The following TSHZ2 variants were observed in gnomAD, a reference collection of about 807,000 sequenced individuals.
TSHZ2 encodes the protein teashirt homolog 2.
TSHZ2 carries 21 observed loss-of-function variants against 74.4 expected under a neutral mutation model. That is an observed-to-expected ratio of 0.28 (90% confidence interval 0.20 to 0.41). TSHZ2 has a LOEUF of 0.41. Among genes scored for constraint, TSHZ2 ranks in the 10% least tolerant of loss-of-function variants. The probability of loss-of-function intolerance (pLI) is 1.00; values close to 1 mark genes in which losing one functional copy is unlikely to be tolerated. For missense variants in TSHZ2, 1,244 were observed against 1,293.5 expected (o/e 0.96, Z 0.59); for synonymous variants, 540 against 515.3 (o/e 1.05, Z -0.65).
At position 52,976,762 on chromosome 20, in the gene TSHZ2, T is replaced by G. The variant is rs142706435; in HGVS notation, c.40+3429T>G. ...AATTGCAATAGAACACACAATCTTT[T>G]GTGAGCACATCTTGTGAATATATCT... On this transcript the variant is annotated intron_variant, in intron 1 of 2. Coordinates refer to ENST00000371497, the MANE Select transcript of TSHZ2 (RefSeq NM_173485.6). Among the ~76,000 whole-genome samples the G allele has an allele frequency of 4.7e-3, 716 of 152,336 alleles. 3 individuals carry two copies. Among genetic ancestry groups the G allele is most frequent in the Non-Finnish European group, 8.3e-3 (564 of 68,028 alleles).
At chr20:53,328,911 A>C (rs1441834890) in intron 2 of TSHZ2, among the ~76,000 whole-genome samples, 2 of 152,220 alleles carry the variant, frequency 1.3e-5, no homozygotes, top group Admixed American at 6.5e-5. Flanking sequence ...GAAATGTTAT[A>C]TCCACCAGTG....
At chr20:53,040,047 A>G (rs1983980290) in intron 1 of TSHZ2, among the ~76,000 whole-genome samples, 1 of 152,152 alleles carries the variant, frequency 6.6e-6, no homozygotes. Context: ...CGGAGGCTGC[A>G]GTGAGCCAAG....
chr20:53,397,104 C>T (rs1431788832), intron 2 of TSHZ2, among the ~76,000 whole-genome samples: 1 of 152,112 alleles, frequency 6.6e-6, no homozygotes, highest in Non-Finnish European at 1.5e-5. Flanking sequence ...GCAATGGCAA[C>T]AAAAGCCAAA....
Position 53,321,614 on chromosome 20 carries a change from G to A in TSHZ2, c.*8+65043G>A, listed in dbSNP as rs146794675. ...CAGGAGAATCACTTGAACCCGGGAG[G>A]CGGAGGTTGTGGTGAGCAGAGATCA... On this transcript the variant is annotated intron_variant, in intron 2 of 2. Transcript: ENST00000371497. Among the ~76,000 whole-genome samples, 217 of 145,476 alleles carry A rather than the reference G, an allele frequency of 1.5e-3. 1 individual carries two copies. Among genetic ancestry groups the A allele is most frequent in the African/African-American group, 5.3e-3 (210 of 39,684 alleles).
chr20:53,259,427 A>C (rs905386590), intron 2 of TSHZ2, among the ~76,000 whole-genome samples: 1 of 152,254 alleles, frequency 6.6e-6, no homozygotes, highest in Non-Finnish European at 1.5e-5. Context: ...TTTAGGTCAT[A>C]AGTAATCTAA....
intron 1 of TSHZ2, among the ~76,000 whole-genome samples, chr20:53,049,880 G>A (rs1021491954): frequency 2.0e-5 from 3 of 151,844 alleles, no homozygotes; most frequent in Non-Finnish European, 2.9e-5. Flanking sequence ...TCAGGAGCTC[G>A]AGACTAGCCT....
chr20:53,472,651 G>A (rs987778570), intron 2 of TSHZ2, among the ~76,000 whole-genome samples: 6 of 152,126 alleles, frequency 3.9e-5, no homozygotes, highest in Admixed American at 2.6e-4. Context: ...GGGGGAGGGA[G>A]GAGCCAAGAT....
At chr20:53,446,372 G>T (rs897438715) in intron 2 of TSHZ2, among the ~76,000 whole-genome samples, 1 of 148,122 alleles carries the variant, frequency 6.8e-6, no homozygotes, top group African/African-American at 2.5e-5. Context: ...GACCATCCTG[G>T]CTAACACGGT....
intron 1 of TSHZ2, among the ~76,000 whole-genome samples, chr20:53,050,964 TTTCAATAGA>T (rs1386817051): frequency 6.6e-6 from 1 of 152,362 alleles, no homozygotes; most frequent in South Asian, 2.1e-4. Context: ...TCTTTAGAGC[TTTCAATAGA>T]TTAATACACA....
chr20:53,492,780 A>T lies in TSHZ2; in HGVS notation c.*5645A>T, dbSNP rs1401902626. On this transcript the variant is annotated 3_prime_UTR_variant, in exon 3 of 3. Transcript: ENST00000371497. ...TTGCATTAATTCTAGATTTTTTTTT[A>T]ATTTCTTTTAGAAAGGGCAGGGGGG... The T allele has an allele frequency of 6.6e-6, 1 of 152,026 alleles. No individual in the cohort carries two copies. 9.4% of individuals were successfully genotyped at this position (152,026 alleles called of 1,614,324 possible).
chr20:53,439,645 T>C (rs762015154), intron 2 of TSHZ2, among the ~76,000 whole-genome samples: 1 of 152,176 alleles, frequency 6.6e-6, no homozygotes, highest in Non-Finnish European at 1.5e-5. Context: ...CCCTGTGGCA[T>C]AAATTGTTCT....
At chr20:52,977,421 TACACACACACACACACACA>T (rs1981384898) in intron 1 of TSHZ2, among the ~76,000 whole-genome samples, 10 of 141,484 alleles carry the variant, frequency 7.1e-5, no homozygotes, top group African/African-American at 2.4e-4. Flanking sequence ...AATGGAAAAA[TACACACACACACACACACA>T]CACACACACA....
chr20:53,143,207 G>T (rs992368218), intron 1 of TSHZ2, among the ~76,000 whole-genome samples: 7 of 152,186 alleles, frequency 4.6e-5, no homozygotes, highest in South Asian at 2.1e-4. Flanking sequence ...ACCCCGACAG[G>T]CTTCTACAGA....
intron 2 of TSHZ2, among the ~76,000 whole-genome samples, chr20:53,308,664 G>A (rs548074825): frequency 6.6e-6 from 1 of 152,252 alleles, no homozygotes; most frequent in South Asian, 2.1e-4. Flanking sequence ...ACTTTATTGT[G>A]TCAGCATCCC....
intron 2 of TSHZ2, among the ~76,000 whole-genome samples, chr20:53,429,513 C>T (rs1983765198): frequency 6.6e-6 from 1 of 152,196 alleles, no homozygotes; most frequent in Non-Finnish European, 1.5e-5. Flanking sequence ...TGCACAAGTG[C>T]TTTTCTCTTG....
chr20:53,287,255 T>C (rs996703666), intron 2 of TSHZ2, among the ~76,000 whole-genome samples: 4 of 152,242 alleles, frequency 2.6e-5, no homozygotes, highest in African/African-American at 9.6e-5. Context: ...GGCACTTCTC[T>C]AATTGTTCAT....
intron 2 of TSHZ2, among the ~76,000 whole-genome samples, chr20:53,478,668 A>AAAAAATAAAAAT (rs141461349): frequency 6.6e-6 from 1 of 150,690 alleles, no homozygotes; most frequent in Non-Finnish European, 1.5e-5. Flanking sequence ...AAAAATAAAT[A>AAAAAATAAAAAT]AAAAATAAAA....
chr20:53,070,982 ATTTG>A (rs890283198), intron 1 of TSHZ2, among the ~76,000 whole-genome samples: 6 of 152,160 alleles, frequency 3.9e-5, no homozygotes, highest in East Asian at 1.9e-4. Flanking sequence ...AATGGGTACT[ATTTG>A]TTTGAGGGAT....
intron 1 of TSHZ2, among the ~76,000 whole-genome samples, chr20:53,156,772 A>C (rs1428714743): frequency 3.9e-5 from 6 of 152,026 alleles, no homozygotes; most frequent in Non-Finnish European, 7.4e-5. Flanking sequence ...CTTTTTCTTA[A>C]TTTTTTTTCT....
Sources: allele counts gnomAD v4.1 joint callset (sites outside exome capture counted in the v4.1 genomes callset), GRCh38; gene constraint gnomAD v4.1.1; transcripts MANE v1.5; gene names NCBI Gene and HGNC (gene_info 2026-07-23, HGNC 2026-07-21).